The following VPS13D variants were observed in gnomAD, a reference collection of about 807,000 sequenced individuals.
VPS13D encodes the protein intermembrane lipid transfer protein VPS13D.
Under a neutral mutation model 461.9 loss-of-function variants are expected in VPS13D, and 187 were observed. The observed-to-expected ratio is 0.40, with a 90% CI of 0.36 to 0.46. The LOEUF (loss-of-function observed/expected upper bound fraction) is 0.46, where lower values mean the gene tolerates loss of function less well. VPS13D is among the 20% of genes least tolerant of loss of function. The pLI, the probability that VPS13D is intolerant of heterozygous loss-of-function variation, is 0.60. For missense variants in VPS13D, 4,711 were observed against 5,364.9 expected, an observed-to-expected ratio of 0.88 and a Z score of 3.81; for synonymous variants, 1,951 against 1,986.3, an observed-to-expected ratio of 0.98 and a Z score of 0.47.
chr1:12,275,682 A>C (rs1641588682), intron 18 of VPS13D, 143 bp from the exon 19 acceptor site: 1 of 746,892 alleles, frequency 1.3e-6, no homozygotes, highest in Admixed American at 3.7e-5. Context: ...ATGGTAAACA[A>C]AGATATTATG....
At chr1:12,251,326 C>T (rs994482746) in intron 6 of VPS13D, among the ~76,000 whole-genome samples, 4 of 152,342 alleles carry the variant, frequency 2.6e-5, no homozygotes, top group South Asian at 2.1e-4. Context: ...TTCACAGTGT[C>T]GTGCTACTTT....
chr1:12,262,996 G>A (rs193238559), intron 13 of VPS13D, among the ~76,000 whole-genome samples: 2 of 152,162 alleles, frequency 1.3e-5, no homozygotes, highest in Admixed American at 6.5e-5. Flanking sequence ...GAGCCATTGC[G>A]CTCAGCTGAT....
intron 65 of VPS13D, among the ~76,000 whole-genome samples, chr1:12,447,770 T>C (rs1645211506): frequency 6.6e-6 from 1 of 152,236 alleles, no homozygotes; most frequent in Middle Eastern, 3.2e-3. Context: ...TTGAAATAAA[T>C]ACAAAGTACT....
intron 5 of VPS13D, among the ~76,000 whole-genome samples, chr1:12,248,200 A>G (rs1640621518): frequency 6.6e-6 from 1 of 151,948 alleles, no homozygotes; most frequent in Non-Finnish European, 1.5e-5. Flanking sequence ...TCCTTTGCCT[A>G]TTTTACAAAT....
chr1:12,467,970 A>G (rs960190312), intron 67 of VPS13D, among the ~76,000 whole-genome samples: 1 of 152,070 alleles, frequency 6.6e-6, no homozygotes, highest in African/African-American at 2.4e-5. Flanking sequence ...TTCAAAGTCC[A>G]GTCCTTGCAT....
intron 42 of VPS13D, among the ~76,000 whole-genome samples, chr1:12,344,267 A>G (rs1643629428): frequency 1.3e-5 from 2 of 152,204 alleles, no homozygotes; most frequent in Non-Finnish European, 2.9e-5. Flanking sequence ...TTCTGTAATC[A>G]TGTGCTTTTT....
intron 47 of VPS13D, 52 bp from the exon 48 acceptor site, chr1:12,355,847 A>G: frequency 6.9e-7 from 1 of 1,454,044 alleles, no homozygotes. Flanking sequence ...GCTGTGAGCT[A>G]TTTTGACAAA....
intron 21 of VPS13D, among the ~76,000 whole-genome samples, chr1:12,287,560 C>T (rs183771894): frequency 6.6e-6 from 1 of 152,270 alleles, no homozygotes; most frequent in Non-Finnish European, 1.5e-5. Context: ...GTTTTGTCCC[C>T]TGTGATGTTA....
chr1:12,291,028 G>A lies in VPS13D; in HGVS notation c.5756G>A (p.Gly1919Glu), dbSNP rs1642118242. The A allele has an allele frequency of 6.2e-7, 1 of 1,613,684 alleles. No homozygotes were observed. Among genetic ancestry groups the A allele is most frequent in the Non-Finnish European group, 8.5e-7 (1 of 1,179,936 alleles). ...EGDLALQGSIGSLSLSDLTCH... is the reference protein window; with the variant it reads ...EGDLALQGSIESLSLSDLTCH... ...GACCTGGCCTTACAGGGCAGCATTG[G>A]GAGTCTGTCTCTAAGTGACCTCACA... Residue 1919 changes from glycine to glutamate, a missense_variant, in exon 23 of 70, where the codon GGG becomes GAG. Physicochemically the swap from Gly to Glu is moderately conservative, Grantham distance 98. Transcript: ENST00000620676.
chr1:12,308,794 G>T (rs1642645582), intron 27 of VPS13D, among the ~76,000 whole-genome samples, 153 bp downstream of exon 27: 2 of 152,094 alleles, frequency 1.3e-5, no homozygotes, highest in Admixed American at 1.3e-4. Context: ...TGGGATTACA[G>T]GCACATGCTA....
Position 12,327,826 on chromosome 1 carries a change from T to A in VPS13D, c.8169T>A (p.Asp2723Glu), listed in dbSNP as rs749471853. 6.2e-7 allele frequency: 1 copy of A among 1,614,138 alleles called. No individual in the cohort carries two copies. The highest frequency in any genetic ancestry group is 8.5e-7 in the Non-Finnish European group (1 of 1,180,010). Residue 2723 changes from aspartate (D) to glutamate (E), a missense_variant, in exon 36 of 70, where the codon GAT (aspartate) becomes GAA (glutamate). Physicochemically the swap from Asp to Glu is conservative, Grantham distance 45 (BLOSUM62 2). This residue lies in a region of VPS13D where 4,411 missense variants were observed against 4,937.8 expected (regional missense o/e 0.89). Coordinates refer to ENST00000620676, the MANE Select transcript of VPS13D (RefSeq NM_015378.4). ...TCATCGATGACTGCATGGATTGTGA[T>A]GTTCCTCTCGCTGAACTCACCTTTT... ...ICFIDDCMDC[D>E]VPLAELTFSR...
At chr1:12,346,709 A>G (rs1280320498) in intron 44 of VPS13D, 57 bp downstream of exon 44, 4 of 1,461,364 alleles carry the variant, frequency 2.7e-6, no homozygotes, top group Non-Finnish European at 3.8e-6. Context: ...CTGCACCTGA[A>G]TCATGTGGAT....
chr1:12,333,512 A>G, intron 38 of VPS13D, 146 bp downstream of exon 38: 1 of 969,722 alleles, frequency 1.0e-6, no homozygotes, highest in Non-Finnish European at 1.5e-6. Context: ...ATCAACCCTA[A>G]TAGCCTCTTG....
chr1:12,379,460 A>G, intron 56 of VPS13D, 28 bp from the exon 57 acceptor site: 1 of 1,602,118 alleles, frequency 6.2e-7, no homozygotes, highest in Non-Finnish European at 8.5e-7. Flanking sequence ...CGGAGGTTTC[A>G]TGGTTCATTG....
At chr1:12,392,289 T>G (rs1367171626) in intron 60 of VPS13D, among the ~76,000 whole-genome samples, 1 of 152,072 alleles carries the variant, frequency 6.6e-6, no homozygotes, top group Non-Finnish European at 1.5e-5. Context: ...GTCAGGAGTT[T>G]GGCCAACATG....
chr1:12,341,047 C>G (rs1643557787), intron 40 of VPS13D, among the ~76,000 whole-genome samples: 1 of 152,216 alleles, frequency 6.6e-6, no homozygotes, highest in Non-Finnish European at 1.5e-5. Context: ...CAGGTCACCG[C>G]TCTTTAGAAT....
chr1:12,272,925 T>A, intron 17 of VPS13D, 78 bp from the exon 18 acceptor site: 1 of 1,552,970 alleles, frequency 6.4e-7, no homozygotes, highest in Non-Finnish European at 8.7e-7. Flanking sequence ...TAGCTGCAGC[T>A]TCCAGAAATG....
intron 63 of VPS13D, among the ~76,000 whole-genome samples, chr1:12,409,232 A>G (rs1268767642): frequency 6.6e-6 from 1 of 152,176 alleles, no homozygotes; most frequent in East Asian, 1.9e-4. Context: ...TGTAGAAATG[A>G]TCCCTGAAAG....
chr1:12,377,141 C>T (rs191663749), intron 55 of VPS13D, among the ~76,000 whole-genome samples: 21 of 151,736 alleles, frequency 1.4e-4, no homozygotes, highest in African/African-American at 5.1e-4. Context: ...CTCACTGCAA[C>T]CTCTGCCTCC....
Sources: allele counts gnomAD v4.1 joint callset (sites outside exome capture counted in the v4.1 genomes callset), GRCh38; gene constraint gnomAD v4.1.1; regional missense constraint gnomAD v4.1.1; transcripts MANE v1.5; gene names NCBI Gene and HGNC (gene_info 2026-07-23, HGNC 2026-07-21).